The following GALNT13 variants were observed in gnomAD, a reference collection of about 807,000 sequenced individuals.
The protein encoded by GALNT13 is polypeptide N-acetylgalactosaminyltransferase 13.
A neutral mutation model predicts 64.2 loss-of-function variants in GALNT13; 28 were observed. That is an observed-to-expected ratio of 0.44 (90% confidence interval 0.32 to 0.60). The LOEUF is 0.60. GALNT13 is among the 20% of genes least tolerant of loss of function. The probability of loss-of-function intolerance (pLI) is 0.05; values close to 1 mark genes in which losing one functional copy is unlikely to be tolerated. For missense variants in GALNT13, 577 were observed against 669.8 expected, an observed-to-expected ratio of 0.86 and a Z score of 1.53; for synonymous variants, 214 against 224.6, an observed-to-expected ratio of 0.95 and a Z score of 0.42.
intron 4 of GALNT13, among the ~76,000 whole-genome samples, chr2:154,176,240 A>ATTATTTATTTATTTATTTAT (rs3075864): frequency 4.5e-5 from 6 of 132,740 alleles, no homozygotes; most frequent in African/African-American, 8.5e-5. Flanking sequence ...GAACATATAT[A>ATTATTTATTTATTTATTTAT]TTATTTATTT....
intron 1 of GALNT13, among the ~76,000 whole-genome samples, chr2:153,884,827 A>ATG (rs1176473961): frequency 0.04 from 4,457 of 110,824 alleles, 167 homozygotes; most frequent in African/African-American, 0.096. Flanking sequence ...GTGTATATAT[A>ATG]TGTGTGTGTG....
the GALNT13 span, among the ~76,000 whole-genome samples, chr2:153,350,351 G>C: frequency 6.7e-6 from 1 of 149,082 alleles, no homozygotes; most frequent in Admixed American, 6.7e-5. Context: ...AGTATCATTC[G>C]ATTTTATTTA....
At chr2:154,360,180 T>G (rs1696985152) in intron 9 of GALNT13, among the ~76,000 whole-genome samples, 1 of 152,192 alleles carries the variant, frequency 6.6e-6, no homozygotes, top group Non-Finnish European at 1.5e-5. Flanking sequence ...TATACATATG[T>G]TACAGTGGTT....
the GALNT13 span, among the ~76,000 whole-genome samples, chr2:153,329,060 G>T: frequency 3.3e-5 from 5 of 152,144 alleles, no homozygotes; most frequent in East Asian, 9.7e-4. Flanking sequence ...TGAGGGGAGG[G>T]AGTTCCCAGA....
the GALNT13 span, among the ~76,000 whole-genome samples, chr2:153,825,822 T>G: frequency 6.6e-6 from 1 of 152,198 alleles, no homozygotes; most frequent in African/African-American, 2.4e-5. Flanking sequence ...TATTCTACAC[T>G]GCTTCTAGCA....
At chr2:153,812,105 G>T in the GALNT13 span, among the ~76,000 whole-genome samples, 1 of 152,094 alleles carries the variant, frequency 6.6e-6, no homozygotes, top group Non-Finnish European at 1.5e-5. Context: ...AAGGTAACTT[G>T]TATTGTGACT....
chr2:153,333,418 G>A, the GALNT13 span, among the ~76,000 whole-genome samples: 2 of 152,066 alleles, frequency 1.3e-5, no homozygotes, highest in African/African-American at 4.8e-5. Context: ...GCCGTTTGCT[G>A]GCATTCTCAT....
chr2:153,103,607 C>G, the GALNT13 span, among the ~76,000 whole-genome samples: 10 of 152,360 alleles, frequency 6.6e-5, no homozygotes, highest in Non-Finnish European at 1.2e-4. Context: ...GATGCCAACG[C>G]TATAAATGGA....
intron 3 of GALNT13, among the ~76,000 whole-genome samples, chr2:154,049,268 A>G (rs1423561070): frequency 6.6e-6 from 1 of 151,400 alleles, no homozygotes; most frequent in Non-Finnish European, 1.5e-5. Context: ...TACTTACTCT[A>G]AAGTATTTAA....
chr2:153,918,976 A>G (rs1467552273), intron 2 of GALNT13, among the ~76,000 whole-genome samples: 1 of 152,122 alleles, frequency 6.6e-6, no homozygotes, highest in Admixed American at 6.6e-5. Context: ...CAAGCTCACC[A>G]AAGTTAGTTG....
At chr2:153,652,282 A>G in the GALNT13 span, among the ~76,000 whole-genome samples, 1 of 152,288 alleles carries the variant, frequency 6.6e-6, no homozygotes, top group Admixed American at 6.5e-5. Context: ...GTATTTTACA[A>G]TTAACTTAAA....
At chr2:153,594,393 A>AT in the GALNT13 span, among the ~76,000 whole-genome samples, 4 of 151,924 alleles carry the variant, frequency 2.6e-5, no homozygotes, top group Admixed American at 2.6e-4. Context: ...TTTTGGAAAC[A>AT]TTTTTTCTCG....
the GALNT13 span, among the ~76,000 whole-genome samples, chr2:153,106,458 C>T: frequency 6.6e-6 from 1 of 152,104 alleles, no homozygotes; most frequent in South Asian, 2.1e-4. Flanking sequence ...TCTACAGAAC[C>T]AGAGAGTAGT....
At chr2:154,196,636 T>C (rs942191079) in intron 4 of GALNT13, among the ~76,000 whole-genome samples, 1 of 152,208 alleles carries the variant, frequency 6.6e-6, no homozygotes, top group African/African-American at 2.4e-5. Context: ...CGTAGGTGAT[T>C]CTAAAAGGAA....
chr2:153,436,365 C>G, the GALNT13 span, among the ~76,000 whole-genome samples: 1 of 152,174 alleles, frequency 6.6e-6, no homozygotes, highest in African/African-American at 2.4e-5. Flanking sequence ...GGAGGATTCC[C>G]TCTTTTTCTA....
chr2:153,885,504 G>C (rs17618796), intron 1 of GALNT13, among the ~76,000 whole-genome samples: 24,799 of 151,826 alleles, frequency 0.16, 2,462 homozygotes, highest in East Asian at 0.26. Context: ...CAAGATGATT[G>C]TTTAAAAGAT....
At chr2:153,828,410 T>A in the GALNT13 span, among the ~76,000 whole-genome samples, 1 of 152,202 alleles carries the variant, frequency 6.6e-6, no homozygotes, top group African/African-American at 2.4e-5. Context: ...AAACCTCAAA[T>A]CATGGCTTCC....
At chr2:153,605,416 G>C in the GALNT13 span, among the ~76,000 whole-genome samples, 1 of 151,980 alleles carries the variant, frequency 6.6e-6, no homozygotes. Flanking sequence ...AACTGCTTCA[G>C]CATACTGCAG....
intron 9 of GALNT13, among the ~76,000 whole-genome samples, chr2:154,315,265 A>G (rs908199421): frequency 1.3e-4 from 20 of 152,194 alleles, no homozygotes; most frequent in Admixed American, 4.6e-4. Context: ...ATTATCTAGA[A>G]AATAAAAATT....
Sources: gnomAD v4.1 joint callset for allele counts (sites outside exome capture counted in the v4.1 genomes callset) on GRCh38, gnomAD v4.1.1 for gene constraint, MANE v1.5 for transcripts, NCBI Gene and HGNC (gene_info 2026-07-23, HGNC 2026-07-21) for gene names.